Variants in STX16 observed in about 807,000 individuals in gnomAD.
STX16 encodes the protein syntaxin 16.
A neutral mutation model predicts 42.7 loss-of-function variants in STX16; 28 were observed. That is an observed-to-expected ratio of 0.66 (90% CI 0.49 to 0.90). STX16 has a LOEUF of 0.90. STX16 is among the 40% of genes least tolerant of loss of function. The pLI is 0.00. For missense variants in STX16, 361 were observed against 420.9 expected (o/e 0.86, Z 1.24); for synonymous variants, 156 against 155.2 (o/e 1.00, Z -0.04).
chr20:58,653,465 A>G (rs2083518780), intron 1 of STX16, among the ~76,000 whole-genome samples: 1 of 152,240 alleles, frequency 6.6e-6, no homozygotes, highest in South Asian at 2.1e-4. Flanking sequence ...GCCTAGAACT[A>G]GGGACAGAGT....
chr20:58,675,320 C>T (rs1368681481), intron 8 of STX16, among the ~76,000 whole-genome samples: 1 of 152,266 alleles, frequency 6.6e-6, no homozygotes, highest in Non-Finnish European at 1.5e-5. Flanking sequence ...CTCCTCCTCC[C>T]TCCTGTGCCA....
Position 58,670,606 on chromosome 20 carries a change from A to G in STX16, c.648+3A>G, listed in dbSNP as rs1854340592. On this transcript the variant is annotated splice_donor_region_variant and intron_variant, in intron 6 of 8. Coordinates refer to ENST00000371141, the MANE Select transcript of STX16 (RefSeq NM_001001433.3). ...ACGATAACACTCTTTACCATCGGGT[A>G]CGTGAACGGGCTGCAAAGCTGATTG... is the stretch of plus-strand genomic sequence containing the variant. 3.1e-6 allele frequency: 5 copies of G among 1,613,472 alleles called. No homozygotes were observed. The highest frequency in any genetic ancestry group is 2.2e-5 in the East Asian group (1 of 44,872).
chr20:58,667,865 G>C, intron 3 of STX16, 122 bp from the exon 4 acceptor site: 1 of 1,296,248 alleles, frequency 7.7e-7, no homozygotes. Context: ...ATTAAAAGCT[G>C]CTCACACATC....
At position 58,676,418 on chromosome 20, in the gene STX16, C is replaced by CT; in HGVS notation, c.*130dup. On this transcript the variant is annotated 3_prime_UTR_variant, in exon 9 of 9. Transcript: ENST00000371141. Reference sequence around the variant, plus strand: ...ATCTGAGGGCGTCGGGGCAGCGAACCTTTGCATCCACGGACTCCTCCTTCC... The same window carrying CT: ...ATCTGAGGGCGTCGGGGCAGCGAACCTTTTGCATCCACGGACTCCTCCTTCC... 1 of 788,588 alleles carries CT rather than the reference C, an allele frequency of 1.3e-6. No homozygotes were observed. Among genetic ancestry groups the CT allele is most frequent in the Non-Finnish European group, 2.2e-6 (1 of 462,340 alleles). The allele number at this position is 788,588 out of a possible 1,614,324, so 48.8% of individuals were successfully genotyped here.
intron 2 of STX16, among the ~76,000 whole-genome samples, chr20:58,661,028 C>T (rs2083686319): frequency 6.6e-6 from 1 of 151,864 alleles, no homozygotes. Flanking sequence ...ATTCAGGAAC[C>T]TCACTGCCAG....
chr20:58,652,374 C>A (rs560113016), intron 1 of STX16: 15 of 593,584 alleles, frequency 2.5e-5, no homozygotes, highest in African/African-American at 5.7e-5. Context: ...CCGCAGCACC[C>A]CCCCCCCCGC....
chr20:58,654,126 C>A (rs1010959311), intron 1 of STX16, among the ~76,000 whole-genome samples: 6 of 152,100 alleles, frequency 3.9e-5, no homozygotes, highest in Admixed American at 6.5e-5. Context: ...ACTAAAAATA[C>A]ATTTCTAAGA....
chr20:58,675,331 TA>T (rs1372989715), intron 8 of STX16, among the ~76,000 whole-genome samples: 5 of 152,222 alleles, frequency 3.3e-5, no homozygotes, highest in African/African-American at 1.2e-4. Flanking sequence ...TCCTGTGCCA[TA>T]GCAAGGTCTG....
intron 2 of STX16, among the ~76,000 whole-genome samples, chr20:58,664,345 C>T (rs2083767262): frequency 6.6e-6 from 1 of 152,182 alleles, no homozygotes; most frequent in African/African-American, 2.4e-5. Context: ...AGAAATGACA[C>T]ATTTCTTCTC....
intron 2 of STX16, among the ~76,000 whole-genome samples, chr20:58,660,483 C>A (rs950279696): frequency 2.0e-5 from 3 of 152,140 alleles, no homozygotes; most frequent in African/African-American, 7.2e-5. Context: ...AGATTCAGAT[C>A]TACCTATATA....
Position 58,671,195 on chromosome 20 carries a change from A to C in STX16, c.690A>C (p.Thr230=), listed in dbSNP as rs773488877. 1 of 1,614,146 alleles carries C rather than the reference A, an allele frequency of 6.2e-7. No homozygotes were observed. Among genetic ancestry groups the C allele is most frequent in the East Asian group, 2.2e-5 (1 of 44,890 alleles). ...AGTTAGTTCTGGTGGAGCAGAACAC[A>C]CTGATGGTGGAAGAGCGGGAACGAG... is the stretch of plus-strand genomic sequence containing the variant. ...EDQLVLVEQN[T]LMVEEREREI... The change falls in exon 7 of 9, where the codon ACA becomes ACC. Residue 230 remains threonine, a synonymous_variant. Transcript: ENST00000371141.
intron 2 of STX16, among the ~76,000 whole-genome samples, chr20:58,660,553 C>T (rs891877093): frequency 2.0e-5 from 3 of 152,034 alleles, no homozygotes; most frequent in East Asian, 1.9e-4. Context: ...AAATAGCCTT[C>T]ATTGGGAACT....
Position 58,679,057 on chromosome 20 carries a change from G to A in STX16, c.*2766G>A, listed in dbSNP as rs1325510403. 1.3e-5 allele frequency: 2 copies of A among 152,238 alleles called. No individual in the cohort carries two copies. Among genetic ancestry groups the A allele is most frequent in the East Asian group, 3.8e-4 (2 of 5,196 alleles). 9.4% of individuals were successfully genotyped at this position (152,238 alleles called of 1,614,324 possible). A position where few individuals can be genotyped will look rare whatever the true frequency, so the allele number is the denominator to read the frequency against. ...AGTGTCCGGGTGCAGCTCAGGTTGA[G>A]TGGAGGTAGAAGGAGAAACAGACAT... On this transcript the variant is annotated 3_prime_UTR_variant, in exon 9 of 9. Coordinates refer to ENST00000371141, the MANE Select transcript of STX16 (RefSeq NM_001001433.3).
chr20:58,667,170 T>G (rs2083855792), intron 2 of STX16: 1 of 430,036 alleles, frequency 2.3e-6, no homozygotes, highest in South Asian at 1.8e-5. Context: ...TTTAAGGATC[T>G]TTTGTTGACT....
At chr20:58,665,760 C>T (rs925085921) in intron 2 of STX16, among the ~76,000 whole-genome samples, 3 of 152,176 alleles carry the variant, frequency 2.0e-5, no homozygotes, top group Non-Finnish European at 4.4e-5. Flanking sequence ...ATCCGTGCCA[C>T]GCTTGAGCAC....
intron 1 of STX16, among the ~76,000 whole-genome samples, chr20:58,653,789 A>G (rs2083526603): frequency 6.6e-6 from 1 of 151,728 alleles, no homozygotes; most frequent in South Asian, 2.1e-4. Context: ...TGAAAAACAT[A>G]TTGTTTATTT....
intron 4 of STX16, 122 bp from the exon 5 acceptor site, chr20:58,669,169 T>C: frequency 1.1e-5 from 11 of 1,036,292 alleles, no homozygotes; most frequent in Non-Finnish European, 1.5e-5. Context: ...TCTGTTCACC[T>C]TTCTCTAAAC....
chr20:58,666,177 T>C (rs1183880226), intron 2 of STX16, among the ~76,000 whole-genome samples: 1 of 152,224 alleles, frequency 6.6e-6, no homozygotes, highest in Non-Finnish European at 1.5e-5. Context: ...AAAAGCAATA[T>C]GAATTTTTCA....
intron 2 of STX16, among the ~76,000 whole-genome samples, chr20:58,664,589 T>G (rs2083772910): frequency 6.6e-6 from 1 of 152,176 alleles, no homozygotes; most frequent in Non-Finnish European, 1.5e-5. Context: ...TAACAAAGAG[T>G]GTGTTCTCCC....
Sources: allele counts gnomAD v4.1 joint callset (sites outside exome capture counted in the v4.1 genomes callset), GRCh38; gene constraint gnomAD v4.1.1; transcripts MANE v1.5; gene names NCBI Gene and HGNC (gene_info 2026-07-23, HGNC 2026-07-21).